The following AAMDC variants were observed in gnomAD, a reference collection of about 807,000 sequenced individuals.
AAMDC encodes adipogenesis associated Mth938 domain containing, also known as mth938 domain-containing protein.
Under a neutral mutation model 15.5 loss-of-function variants are expected in AAMDC, and 16 were observed. The ratio of observed to expected loss-of-function variants is 1.03; its 90% confidence interval spans 0.70 to 1.57. The LOEUF (loss-of-function observed/expected upper bound fraction) is 1.57, where lower values mean the gene tolerates loss of function less well. Ranked by LOEUF, AAMDC falls within the 40% of genes most tolerant of loss-of-function variation. The probability of loss-of-function intolerance (pLI) is 0.00; values close to 1 mark genes in which losing one functional copy is unlikely to be tolerated. For synonymous variants in AAMDC, 51 were observed against 51.6 expected (o/e 0.99, Z 0.05); for missense variants, 141 against 144.9 (o/e 0.97, Z 0.14).
At chr11:77,859,356 A>G (rs562401294) in intron 2 of AAMDC, among the ~76,000 whole-genome samples, 2 of 152,148 alleles carry the variant, frequency 1.3e-5, no homozygotes, top group Non-Finnish European at 2.9e-5. Context: ...CCAGCAGTGT[A>G]AGACTGCTAC....
At position 77,842,065 on chromosome 11, in the gene AAMDC, A is replaced by C. The variant is rs767696529; in HGVS notation, c.-18-414A>C. ...TATCTGAAATTCAGCGATCTTCATG[A>C]ATAAGCATTTCTCTGATTGTGGTAT... On this transcript the variant is annotated intron_variant, in intron 1 of 3. Transcript: ENST00000393427. Among the ~76,000 whole-genome samples the C allele has an allele frequency of 9.5e-4, 144 of 152,352 alleles. 1 individual carries two copies. The highest frequency in any genetic ancestry group is 1.6e-3 in the Non-Finnish European group (112 of 68,036).
At chr11:77,842,356 C>G (rs1415923955) in intron 1 of AAMDC, 123 bp from the exon 2 acceptor site, 2 of 930,524 alleles carry the variant, frequency 2.1e-6, no homozygotes, top group East Asian at 5.2e-5. Context: ...GAAGAAGTAA[C>G]AACCACGTAA....
chr11:77,826,633 G>C (rs183384622), intron 1 of AAMDC, among the ~76,000 whole-genome samples: 1 of 152,168 alleles, frequency 6.6e-6, no homozygotes, highest in African/African-American at 2.4e-5. Flanking sequence ...TGGCTAGCCA[G>C]TCTGTCTCCA....
intron 2 of AAMDC, among the ~76,000 whole-genome samples, chr11:77,843,843 A>G (rs575344686): frequency 3.9e-5 from 6 of 152,140 alleles, no homozygotes; most frequent in Non-Finnish European, 5.9e-5. Context: ...ATGGCTGGGG[A>G]GGCCTCACAA....
At chr11:77,884,090 G>C in intron 5 of AAMDC, 1 of 773,286 alleles carries the variant, frequency 1.3e-6, no homozygotes, top group Non-Finnish European at 2.1e-6. Context: ...TTGGGGGTAG[G>C]TCAACACTGT....
chr11:77,865,565 T>C (rs546675177), intron 2 of AAMDC, among the ~76,000 whole-genome samples: 12 of 152,336 alleles, frequency 7.9e-5, no homozygotes, highest in African/African-American at 2.9e-4. Flanking sequence ...CATGACCACA[T>C]TTAACTGCAA....
intron 2 of AAMDC, among the ~76,000 whole-genome samples, chr11:77,858,905 G>C (rs1017287763): frequency 2.0e-5 from 3 of 152,210 alleles, no homozygotes; most frequent in Non-Finnish European, 4.4e-5. Context: ...AAGGAGGTTA[G>C]AGATACAGGG....
At chr11:77,903,268 G>C (rs1183632757), downstream of AAMDC, among the ~76,000 whole-genome samples, 2 of 152,248 alleles carry the variant, frequency 1.3e-5, no homozygotes, top group Non-Finnish European at 2.9e-5. Flanking sequence ...CCACAGCAGA[G>C]GTATAGAGCT....
intron 2 of AAMDC, chr11:77,868,835 C>A: frequency 5.0e-6 from 1 of 201,252 alleles, no homozygotes. Flanking sequence ...GTACCTTTCT[C>A]TCTGGCTTCC....
At chr11:77,891,062 C>T (rs1184013827) in intron 5 of AAMDC, among the ~76,000 whole-genome samples, 1 of 152,156 alleles carries the variant, frequency 6.6e-6, no homozygotes. Flanking sequence ...GTCCTGGGGG[C>T]TTTAAATACA....
At chr11:77,894,875 C>G (rs1019461150) in intron 5 of AAMDC, among the ~76,000 whole-genome samples, 1 of 152,222 alleles carries the variant, frequency 6.6e-6, no homozygotes, top group Non-Finnish European at 1.5e-5. Context: ...CATCTGGAAA[C>G]TAGTTCATTT....
At chr11:77,878,722 G>C (rs1442563941) in intron 5 of AAMDC, 2 of 695,292 alleles carry the variant, frequency 2.9e-6, no homozygotes, top group South Asian at 3.0e-5. Context: ...AGAACAGCTT[G>C]GTGTTTTCTC....
chr11:77,892,948 G>T (rs1478084795), intron 5 of AAMDC, among the ~76,000 whole-genome samples: 2 of 152,204 alleles, frequency 1.3e-5, no homozygotes, highest in Non-Finnish European at 2.9e-5. Context: ...ACCTGCTGGT[G>T]AAGGTAGTGT....
intron 5 of AAMDC, among the ~76,000 whole-genome samples, chr11:77,888,592 AG>A (rs1199870305): frequency 1.3e-5 from 2 of 152,236 alleles, no homozygotes; most frequent in African/African-American, 4.8e-5. Flanking sequence ...ATTAAACTAA[AG>A]AGCTTCTGCA....
At chr11:77,849,038 C>CT (rs200734294) in intron 2 of AAMDC, among the ~76,000 whole-genome samples, 157 of 140,116 alleles carry the variant, frequency 1.1e-3, no homozygotes, top group Admixed American at 1.6e-3. Context: ...AGTGGTGCTC[C>CT]TTTTTTTTTT....
chr11:77,860,832 C>T (rs1346659716), intron 2 of AAMDC, among the ~76,000 whole-genome samples: 5 of 152,188 alleles, frequency 3.3e-5, no homozygotes, highest in Non-Finnish European at 7.3e-5. Context: ...TTTGGGAAAG[C>T]AGAGTACAAC....
chr11:77,881,431 T>A (rs1402042392), intron 5 of AAMDC, among the ~76,000 whole-genome samples: 2 of 152,160 alleles, frequency 1.3e-5, no homozygotes, highest in East Asian at 1.9e-4. Flanking sequence ...CAAGCTCATT[T>A]ACAATGAGAC....
At chr11:77,822,067 G>A (rs1948934093) in intron 1 of AAMDC, among the ~76,000 whole-genome samples, 1 of 151,982 alleles carries the variant, frequency 6.6e-6, no homozygotes, top group Admixed American at 6.6e-5. Flanking sequence ...ACTGAATTCC[G>A]CTATATTTAT....
chr11:77,830,987 CAA>C (rs59283485), intron 1 of AAMDC, among the ~76,000 whole-genome samples: 19,836 of 100,058 alleles, frequency 0.2, 1,727 homozygotes, highest in East Asian at 0.42. Context: ...CAAAATATAC[CAA>C]AAAAAAAAAA....
Sources: allele counts gnomAD v4.1 joint callset (sites outside exome capture counted in the v4.1 genomes callset), GRCh38; gene constraint gnomAD v4.1.1; transcripts MANE v1.5; gene names NCBI Gene and HGNC (gene_info 2026-07-23, HGNC 2026-07-21).